Variants in VAX1 observed in about 807,000 individuals in gnomAD.
VAX1 encodes the protein ventral anterior homeobox 1.
In VAX1, 6 loss-of-function variants were observed where a neutral mutation model predicts 17.6. The observed-to-expected ratio is 0.34, with a 90% CI of 0.19 to 0.67. The LOEUF (loss-of-function observed/expected upper bound fraction) is 0.67. Ranked by LOEUF, VAX1 falls within the 30% of genes least tolerant of loss-of-function variation. The pLI is 0.69. For missense variants in VAX1, 408 were observed against 463.7 expected, an observed-to-expected ratio of 0.88 and a Z score of 1.10; for synonymous variants, 256 against 227.4, an observed-to-expected ratio of 1.13 and a Z score of -1.13.
At position 117,136,707 on chromosome 10, in the gene VAX1, A is replaced by G; in HGVS notation, c.242-48T>C. ...CGCCAGAACCCTCCCGTCCCCCTCC[A>G]CCTCCTTGGCCCGAGCTGGATTTGG... On this transcript the variant is annotated intron_variant, in intron 1 of 2. Coordinates refer to ENST00000369206, the MANE Select transcript of VAX1 (RefSeq NM_001112704.2). This position sits in a 1 kb window ranked among gnomAD's most constrained non-coding sequence, Gnocchi z 5.0. The G allele has an allele frequency of 6.4e-7, 1 of 1,572,430 alleles. No homozygotes were observed. Among genetic ancestry groups the G allele is most frequent in the Non-Finnish European group, 8.7e-7 (1 of 1,154,584 alleles).
At chr10:117,128,857 C>G (rs1275998158), downstream of VAX1, 1 of 152,208 alleles carries the variant, frequency 6.6e-6, no homozygotes, top group Non-Finnish European at 1.5e-5. Context: ...CCCCAAACTA[C>G]CAGGTCTGTA....
At position 117,134,629 on chromosome 10, in the gene VAX1, AC is replaced by A; in HGVS notation, c.430-47del. The A allele has an allele frequency of 2.1e-5, 30 of 1,455,658 alleles. 1 individual carries two copies. The South Asian group carries it at 3.8e-4, about 19-fold the overall frequency. The allele number at this position is 1,455,658 out of a possible 1,614,324, so 90.2% of individuals were successfully genotyped here. A position where few individuals can be genotyped will look rare whatever the true frequency, so the allele number is the denominator to read the frequency against. ...AGAGTTGGAGAGAGGGGCAGGGAAG[AC>A]CAGCGTCAAAGGAAGCGAGCTCCCG... On this transcript the variant is annotated intron_variant, in intron 2 of 2. Coordinates refer to ENST00000369206, the MANE Select transcript of VAX1 (RefSeq NM_001112704.2). The surrounding 1 kb of genome is among the most constrained non-coding windows in gnomAD (Gnocchi z 6.2).
chr10:117,137,624 G>C lies in VAX1; in HGVS notation c.241+192C>G, dbSNP rs553872774. On this transcript the variant is annotated intron_variant, in intron 1 of 2. Transcript: ENST00000369206. The surrounding 1 kb of genome is among the most constrained non-coding windows in gnomAD (Gnocchi z 7.4). ...GGGGCCCCTCCGGGCGTGGAGGGCC[G>C]AGGCCCCTGGAGAGCGCACCGGAGA... Among the ~76,000 whole-genome samples the C allele has an allele frequency of 2.0e-5, 3 of 152,280 alleles. No homozygotes were observed. Among genetic ancestry groups the C allele is most frequent in the Admixed American group, 2.0e-4 (3 of 15,310 alleles).
downstream of VAX1, chr10:117,133,143 G>T: frequency 2.4e-6 from 1 of 410,242 alleles, no homozygotes; most frequent in Non-Finnish European, 3.3e-6. Context: ...CTTTTCCTTT[G>T]CTTTTCCCCC....
chr10:117,133,827 A>G lies in VAX1; in HGVS notation c.*181T>C, dbSNP rs141466557. ...AGGAATCTCAGAGGAAAGGTAGTAG[A>G]AAAAAAAAATAGCCCGAATGAGATG... On this transcript the variant is annotated 3_prime_UTR_variant, in exon 3 of 3. Transcript: ENST00000369206. 4.8e-4 allele frequency: 591 copies of G among 1,222,056 alleles called. 4 individuals carry two copies. The African/African-American group carries it at 8.3e-3, about 17-fold the overall frequency. 75.7% of individuals were successfully genotyped at this position (1,222,056 alleles called of 1,614,324 possible).
chr10:117,134,281 C>T lies in VAX1; in HGVS notation c.732G>A (p.Pro244=), dbSNP rs1854135566. Residue 244 remains proline, a synonymous_variant, in exon 3 of 3, where the codon CCG becomes CCA. Transcript: ENST00000369206. The surrounding 1 kb of genome is among the most constrained non-coding windows in gnomAD (Gnocchi z 6.2). The stretch of plus-strand genomic sequence containing the variant: ...GACCTGGAGCACCGCCCACAGCCGG[C>T]GGGTGCGGGGATGCAGCGCCCGCTG... The part of the protein sequence containing the change: ...PGPAGAASPH[P]PAVGGAPGPG... 11 of 1,251,548 alleles carry T rather than the reference C, an allele frequency of 8.8e-6. 1 individual carries two copies. In the Admixed American group the frequency reaches 4.8e-4, roughly 55 times the overall value. 77.5% of individuals were successfully genotyped at this position (1,251,548 alleles called of 1,614,324 possible).
chr10:117,136,414 T>A lies in VAX1; in HGVS notation c.429+58A>T. ...GTTAGGAGGTGAAGAGCAGGCTAGG[T>A]AGGGGTGGTGGGGAGGAAGGCTGGT... On this transcript the variant is annotated intron_variant, in intron 2 of 2. Coordinates refer to ENST00000369206, the MANE Select transcript of VAX1 (RefSeq NM_001112704.2). The surrounding 1 kb of genome is among the most constrained non-coding windows in gnomAD (Gnocchi z 5.0). 1 of 1,599,090 alleles carries A rather than the reference T, an allele frequency of 6.3e-7. No homozygotes were observed. The highest frequency in any genetic ancestry group is 1.3e-5 in the African/African-American group (1 of 74,646).
Position 117,137,865 on chromosome 10 carries a change from T to C in VAX1, c.192A>G (p.Lys64=). ...SGAAEDCNKS[K]SNSAADPDYC... ...AATCCGGGTCCGCTGCGGAATTGGATTTACTTTTGTTACAATCCTCAGCAG... is the reference window on the plus strand; with the variant it reads ...AATCCGGGTCCGCTGCGGAATTGGACTTACTTTTGTTACAATCCTCAGCAG... Residue 64 remains lysine, a synonymous_variant, in exon 1 of 3, where the codon AAA becomes AAG. Coordinates refer to ENST00000369206, the MANE Select transcript of VAX1 (RefSeq NM_001112704.2). The surrounding 1 kb of genome is among the most constrained non-coding windows in gnomAD (Gnocchi z 7.4). The C allele has an allele frequency of 6.2e-7, 1 of 1,613,470 alleles. No homozygotes were observed. Among genetic ancestry groups the C allele is most frequent in the Non-Finnish European group, 8.5e-7 (1 of 1,179,930 alleles).
chr10:117,132,299 T>A (rs754069579), downstream of VAX1: 1 of 1,614,176 alleles, frequency 6.2e-7, no homozygotes, highest in Non-Finnish European at 8.5e-7. The surrounding 1 kb of genome is among the most constrained non-coding windows in gnomAD (Gnocchi z 4.9). Context: ...TTTGTTTTTT[T>A]ATCCTTCAAA....
chr10:117,133,843 G>C lies in VAX1; in HGVS notation c.*165C>G, dbSNP rs186840335. On this transcript the variant is annotated 3_prime_UTR_variant, in exon 3 of 3. Transcript: ENST00000369206. ...AGGTAGTAGAAAAAAAAAATAGCCCGAATGAGATGAAATTGGTAGCAGAGT... is the reference window on the plus strand; with the variant it reads ...AGGTAGTAGAAAAAAAAAATAGCCCCAATGAGATGAAATTGGTAGCAGAGT... 1.7e-3 allele frequency: 2,205 copies of C among 1,333,616 alleles called. 2 individuals are homozygous for C. The highest frequency in any genetic ancestry group is 0.011 in the Middle Eastern group (39 of 3,544). 82.6% of individuals were successfully genotyped at this position (1,333,616 alleles called of 1,614,324 possible).
chr10:117,138,269 G>A lies in VAX1; in HGVS notation c.-213C>T. On this transcript the variant is annotated 5_prime_UTR_variant, in exon 1 of 3. Transcript: ENST00000369206. The stretch of plus-strand genomic sequence containing the variant: ...CGCGCGGGTCAGCGGCGACGGGAGA[G>A]TGGCGCGCTCGCCGAGAGGCGGCCA... The A allele has an allele frequency of 1.6e-6, 1 of 633,510 alleles. No individual in the cohort carries two copies. The allele number at this position is 633,510 out of a possible 1,614,324, so 39.2% of individuals were successfully genotyped here.
rs1469409574 is a variant in VAX1 at position 117,134,252 on chromosome 10, C to T, written c.761G>A (p.Gly254Glu). 1 of 1,376,110 alleles carries T rather than the reference C, an allele frequency of 7.3e-7. No homozygotes were observed. Among genetic ancestry groups the T allele is most frequent in the African/African-American group, 1.5e-5 (1 of 64,568 alleles). The allele number at this position is 1,376,110 out of a possible 1,614,324, so 85.2% of individuals were successfully genotyped here. Reference protein sequence around the residue: ...PPAVGGAPGPGPAGPGGLHAG... With the variant: ...PPAVGGAPGPEPAGPGGLHAG... ...GTGCAATCCCCCCGGCCCGGCGGGC[C>T]CGGGACCTGGAGCACCGCCCACAGC... Residue 254 changes from glycine (G) to glutamate (E), a missense_variant, in exon 3 of 3, where the codon GGG becomes GAG. By Grantham distance (98) the Gly-to-Glu change is moderately conservative. Coordinates refer to ENST00000369206, the MANE Select transcript of VAX1 (RefSeq NM_001112704.2). The surrounding 1 kb of genome is among the most constrained non-coding windows in gnomAD (Gnocchi z 6.2).
In VAX1 at chr10:117,137,111, G is replaced by A. The variant is rs1479816632; in HGVS notation, c.242-452C>T. 6.6e-6 allele frequency among the ~76,000 whole-genome samples: 1 copy of A among 150,966 alleles called. No individual in the cohort carries two copies. The highest frequency in any genetic ancestry group is 2.4e-5 in the African/African-American group (1 of 41,098). On this transcript the variant is annotated intron_variant, in intron 1 of 2. Coordinates refer to ENST00000369206, the MANE Select transcript of VAX1 (RefSeq NM_001112704.2). The surrounding 1 kb of genome is among the most constrained non-coding windows in gnomAD (Gnocchi z 7.4). ...GTCTCCTTCCCTCCGGAGTCCGCGC[G>A]GCGGAAGGAGGAGGGACTGAGTCGG...
At chr10:117,130,373 T>C (rs1421321342), downstream of VAX1, 1 of 152,258 alleles carries the variant, frequency 6.6e-6, no homozygotes, top group Non-Finnish European at 1.5e-5. Context: ...TCCAAGTGAC[T>C]TCCCACATCT....
In VAX1 at chr10:117,133,394, G is replaced by T; in HGVS notation, c.*614C>A. ...GTTTCCTGGGGTCGGGGGTGGTTGT[G>T]ATTGGAGTTGCCCTAAAGGGGAGAA... On this transcript the variant is annotated 3_prime_UTR_variant, in exon 3 of 3. Transcript: ENST00000369206. 5 of 985,562 alleles carry T rather than the reference G, an allele frequency of 5.1e-6. No individual in the cohort carries two copies. The highest frequency in any genetic ancestry group is 4.8e-6 in the Non-Finnish European group (4 of 830,094). 61.1% of individuals were successfully genotyped at this position (985,562 alleles called of 1,614,324 possible).
At chr10:117,129,410 C>A (rs1854057045), downstream of VAX1, 2 of 152,510 alleles carry the variant, frequency 1.3e-5, no homozygotes, top group South Asian at 4.2e-4. Flanking sequence ...TTTTGATCAG[C>A]CATTTAATCA....
chr10:117,134,538 G>A lies in VAX1; in HGVS notation c.475C>T (p.Gln159Ter). 1 of 1,529,356 alleles carries A rather than the reference G, an allele frequency of 6.5e-7. No homozygotes were observed. Among genetic ancestry groups the A allele is most frequent in the Non-Finnish European group, 8.8e-7 (1 of 1,139,998 alleles). 94.7% of individuals were successfully genotyped at this position (1,529,356 alleles called of 1,614,324 possible). Residue 159 changes from glutamine (Q) to a stop codon, truncating the protein, a stop_gained, in exon 3 of 3, where the codon CAG becomes TAG. Transcript: ENST00000369206. LOFTEE classifies it low-confidence loss of function (END_TRUNC). The surrounding 1 kb of genome is among the most constrained non-coding windows in gnomAD (Gnocchi z 6.2). Reference protein sequence around the residue: ...QNRRTKQKKDQGKDSELRSVV... With the variant: ...QNRRTKQKKD The stretch of plus-strand genomic sequence containing the variant: ...GAGCGTAGCTCCGAGTCCTTGCCCT[G>A]GTCCTTCTTCTGCTTGGTGCGCCGG...
downstream of VAX1, chr10:117,132,118 G>C: frequency 7.5e-7 from 1 of 1,330,378 alleles, no homozygotes; most frequent in South Asian, 1.3e-5. This position sits in a 1 kb window ranked among gnomAD's most constrained non-coding sequence, Gnocchi z 4.9. Context: ...GGAACAAATC[G>C]TCGTAGCCAG....
Position 117,136,603 on chromosome 10 carries a change from G to A in VAX1, c.298C>T (p.Pro100Ser). 6.2e-7 allele frequency: 1 copy of A among 1,613,710 alleles called. No individual in the cohort carries two copies. The highest frequency in any genetic ancestry group is 8.5e-7 in the Non-Finnish European group (1 of 1,179,928). Residue 100 changes from proline (P) to serine (S), a missense_variant, in exon 2 of 3, where the codon CCT (proline) becomes TCT (serine). Pro to Ser is a moderately conservative substitution (Grantham distance 74, BLOSUM62 -1). This residue lies in a region of VAX1 where 75 missense variants were observed against 116.1 expected (regional missense o/e 0.65). Transcript: ENST00000369206. This position sits in a 1 kb window ranked among gnomAD's most constrained non-coding sequence, Gnocchi z 5.0. ...ILPKGLDLDR[P>S]KRTRTSFTAE... ...GTGAAGGACGTGCGCGTCCTCTTAG[G>A]CCGGTCCAAGTCCAGGCCCTTGGGC... is the stretch of plus-strand genomic sequence containing the variant.
Sources: gnomAD v4.1 joint callset for allele counts (sites outside exome capture counted in the v4.1 genomes callset) on GRCh38, gnomAD v4.1.1 for gene constraint, gnomAD v4.1.1 regional missense constraint, Gnocchi (gnomAD v3.1) non-coding constraint, MANE v1.5 for transcripts, NCBI Gene and HGNC (gene_info 2026-07-23, HGNC 2026-07-21) for gene names.